The following MCTP1 variants were observed in gnomAD, a reference collection of about 807,000 sequenced individuals.
MCTP1 encodes the protein multiple C2 and transmembrane domain containing 1, also known as multiple C2 and transmembrane domain-containing protein 1.
In MCTP1, 69 loss-of-function variants were observed where a neutral mutation model predicts 120.6. The ratio of observed to expected loss-of-function variants is 0.57; its 90% CI spans 0.47 to 0.70. MCTP1 has a LOEUF of 0.70. Among genes scored for constraint, MCTP1 ranks in the 30% least tolerant of loss-of-function variants. The pLI, the probability that MCTP1 is intolerant of heterozygous loss-of-function variation, is 0.00. For missense variants in MCTP1, 1,203 were observed against 1,248.8 expected (o/e 0.96, Z 0.55); for synonymous variants, 529 against 493.1 (o/e 1.07, Z -0.96).
chr5:94,723,934 A>G (rs561471084), intron 19 of MCTP1, among the ~76,000 whole-genome samples: 1 of 152,230 alleles, frequency 6.6e-6, no homozygotes, highest in African/African-American at 2.4e-5. Flanking sequence ...GGAAGACACA[A>G]AGGAGAAGAG....
intron 1 of MCTP1, among the ~76,000 whole-genome samples, chr5:95,050,658 T>C (rs112282127): frequency 1.4e-3 from 208 of 152,342 alleles, no homozygotes; most frequent in African/African-American, 4.7e-3. Context: ...TCCCATAAAG[T>C]TGCCAAATTC....
At position 95,160,801 on chromosome 5, in the gene MCTP1, T is replaced by C. The variant is rs551544786; in HGVS notation, c.720+123055A>G. 1.1e-3 allele frequency among the ~76,000 whole-genome samples: 172 copies of C among 152,038 alleles called. 4 individuals are homozygous for C. The highest frequency in any genetic ancestry group is 3.9e-3 in the African/African-American group (160 of 41,488). ...TCAAATAATGAGCAAAGGACCTAAA[T>C]AGACAATTCTCAAAAGAAGACATAC... On this transcript the variant is annotated intron_variant, in intron 1 of 22. Coordinates refer to ENST00000515393, the MANE Select transcript of MCTP1 (RefSeq NM_024717.7).
At chr5:94,867,224 T>C (rs61529027) in intron 17 of MCTP1, 71,610 of 1,410,954 alleles carry the variant, frequency 0.051, 2,108 homozygotes, top group African/African-American at 0.074. Context: ...GAGATTTTTT[T>C]TCTAAAACTT....
chr5:95,081,882 A>ACT, intron 1 of MCTP1: 1 of 963,186 alleles, frequency 1.0e-6, no homozygotes, highest in Non-Finnish European at 1.2e-6. Context: ...AAGCCACAAC[A>ACT]GGAAATGAGA....
chr5:94,793,894 C>T (rs1006545061), intron 18 of MCTP1, among the ~76,000 whole-genome samples: 3 of 152,234 alleles, frequency 2.0e-5, no homozygotes, highest in Non-Finnish European at 4.4e-5. Flanking sequence ...GAGTGCTGCT[C>T]TTAGGAGCTT....
At chr5:95,175,047 T>C (rs1747801297) in intron 1 of MCTP1, among the ~76,000 whole-genome samples, 2 of 152,080 alleles carry the variant, frequency 1.3e-5, no homozygotes, top group Admixed American at 1.3e-4. Flanking sequence ...CTTAAGTAAA[T>C]TGAGGGAAAA....
At chr5:94,932,563 C>T (rs1815046560) in intron 5 of MCTP1, among the ~76,000 whole-genome samples, 1 of 151,992 alleles carries the variant, frequency 6.6e-6, no homozygotes, top group African/African-American at 2.4e-5. Context: ...TTGTGTCATA[C>T]TAAGAAATAT....
At chr5:94,917,362 A>T (rs1305947816) in intron 8 of MCTP1, among the ~76,000 whole-genome samples, 1 of 152,204 alleles carries the variant, frequency 6.6e-6, no homozygotes. Context: ...AAAGGAAAAA[A>T]CCAACCTTGT....
rs185586580 is a variant in MCTP1, at chr5:94,980,218, C to T, written c.839-26857G>A. 6.4e-4 allele frequency among the ~76,000 whole-genome samples: 98 copies of T among 152,214 alleles called. 2 individuals carry two copies. The East Asian group carries it at 0.017, about 27-fold the overall frequency. ...TTTAATTGTTTTCCCCCTACTTTAA[C>T]AACAGCAGCAAAGCAAAACAAAGTC... On this transcript the variant is annotated intron_variant, in intron 2 of 22. Coordinates refer to ENST00000515393, the MANE Select transcript of MCTP1 (RefSeq NM_024717.7).
chr5:94,969,239 G>A (rs763555225), intron 2 of MCTP1, among the ~76,000 whole-genome samples: 1 of 152,078 alleles, frequency 6.6e-6, no homozygotes, highest in African/African-American at 2.4e-5. Flanking sequence ...TCAACATTCT[G>A]TGTAATATTT....
chr5:95,106,246 C>T (rs1453022853), intron 1 of MCTP1, among the ~76,000 whole-genome samples: 3 of 152,194 alleles, frequency 2.0e-5, no homozygotes, highest in South Asian at 4.1e-4. Flanking sequence ...AAGGTCACCT[C>T]AGGCCACTGA....
rs138268032 is a variant in MCTP1 at position 95,020,946 on chromosome 5, C to T, written c.721-3462G>A. Among the ~76,000 whole-genome samples, 77 of 152,162 alleles carry T rather than the reference C, an allele frequency of 5.1e-4. 1 individual carries two copies. The East Asian group carries it at 0.014, about 28-fold the overall frequency. On this transcript the variant is annotated intron_variant, in intron 1 of 22. Coordinates refer to ENST00000515393, the MANE Select transcript of MCTP1 (RefSeq NM_024717.7). ...GTGTCAATACTATACCATGTGATTA[C>T]AATGACTTTAAATTCTAATATTTGT... is the stretch of plus-strand genomic sequence containing the variant.
At chr5:94,887,266 A>G (rs1280925601) in intron 12 of MCTP1, among the ~76,000 whole-genome samples, 2 of 152,194 alleles carry the variant, frequency 1.3e-5, no homozygotes, top group Non-Finnish European at 2.9e-5. Context: ...ATTGTTATTC[A>G]CATCAATTTA....
intron 2 of MCTP1, among the ~76,000 whole-genome samples, chr5:95,014,970 C>T (rs537279580): frequency 1.3e-5 from 2 of 152,130 alleles, no homozygotes; most frequent in African/African-American, 2.4e-5. Context: ...CGAGGCAAGA[C>T]CCTCCAACAG....
chr5:94,932,325 G>T (rs1814959887), intron 5 of MCTP1, among the ~76,000 whole-genome samples: 1 of 151,438 alleles, frequency 6.6e-6, no homozygotes, highest in Non-Finnish European at 1.5e-5. Flanking sequence ...GGTGGAGGTT[G>T]AGGTTGTACA....
chr5:95,188,955 C>A (rs1017245920), intron 1 of MCTP1, among the ~76,000 whole-genome samples: 11 of 152,118 alleles, frequency 7.2e-5, no homozygotes, highest in African/African-American at 2.7e-4. Context: ...TACACGGAAT[C>A]TCTCTGTGTT....
At chr5:95,057,605 T>A (rs1240827889) in intron 1 of MCTP1, among the ~76,000 whole-genome samples, 1 of 152,208 alleles carries the variant, frequency 6.6e-6, no homozygotes, top group Non-Finnish European at 1.5e-5. Flanking sequence ...AAGACAATAA[T>A]TCTCTTTTAT....
chr5:94,961,886 T>A (rs993155988), intron 2 of MCTP1, among the ~76,000 whole-genome samples: 5 of 152,202 alleles, frequency 3.3e-5, no homozygotes, highest in African/African-American at 1.2e-4. Context: ...AGCCCACTTT[T>A]CGATGTGATT....
intron 5 of MCTP1, among the ~76,000 whole-genome samples, chr5:94,936,141 T>C (rs1052121875): frequency 6.6e-6 from 1 of 151,996 alleles, no homozygotes; most frequent in African/African-American, 2.4e-5. Flanking sequence ...ATCATTAATA[T>C]ACTAATTTTA....
Sources: gnomAD v4.1 joint callset for allele counts (sites outside exome capture counted in the v4.1 genomes callset) on GRCh38, gnomAD v4.1.1 for gene constraint, MANE v1.5 for transcripts, NCBI Gene and HGNC (gene_info 2026-07-23, HGNC 2026-07-21) for gene names.